OSMR: variants seen among roughly 807,000 people sequenced by gnomAD.
OSMR encodes oncostatin-M-specific receptor subunit beta.
Under a neutral mutation model 99.9 loss-of-function variants are expected in OSMR, and 81 were observed. That is an observed-to-expected ratio of 0.81 (90% CI 0.68 to 0.97). The LOEUF (loss-of-function observed/expected upper bound fraction) is 0.97, where lower values mean the gene tolerates loss of function less well. OSMR is among the 50% of genes least tolerant of loss of function. The pLI is 0.00. For synonymous variants in OSMR, 406 were observed against 410.4 expected, an observed-to-expected ratio of 0.99 and a Z score of 0.13; for missense variants, 1,099 against 1,153.4, an observed-to-expected ratio of 0.95 and a Z score of 0.68.
At chr5:38,880,057 T>TA (rs1240242281) in intron 3 of OSMR, among the ~76,000 whole-genome samples, 3 of 151,994 alleles carry the variant, frequency 2.0e-5, no homozygotes, top group South Asian at 2.1e-4. Context: ...TATAAACATT[T>TA]AAAAAAACAC....
At chr5:38,904,140 GTCA>G in intron 8 of OSMR, 116 bp downstream of exon 8, 1 of 1,543,400 alleles carries the variant, frequency 6.5e-7, no homozygotes, top group Non-Finnish European at 8.7e-7. Flanking sequence ...AATGGTGTGG[GTCA>G]TCTGTTTTAA....
intron 1 of OSMR, among the ~76,000 whole-genome samples, chr5:38,861,966 G>A (rs1339232713): frequency 2.5e-5 from 3 of 120,728 alleles, no homozygotes; most frequent in Admixed American, 8.0e-5. Flanking sequence ...CTGGCCGGGC[G>A]GGGGACTGAC....
At chr5:38,919,313 A>G (rs911446692) in intron 11 of OSMR, 10 of 1,447,584 alleles carry the variant, frequency 6.9e-6, no homozygotes, top group Non-Finnish European at 6.4e-6. Context: ...CATACATGGG[A>G]AATTATCTCA....
chr5:38,853,071 G>A (rs834006), intron 1 of OSMR, among the ~76,000 whole-genome samples: 120,084 of 152,154 alleles, frequency 0.79, 47,825 homozygotes, highest in African/African-American at 0.89. Context: ...TTCAATGTTT[G>A]TTAATCAGTA....
At chr5:38,922,006 A>C (rs995722193) in intron 12 of OSMR, among the ~76,000 whole-genome samples, 1 of 152,218 alleles carries the variant, frequency 6.6e-6, no homozygotes, top group Non-Finnish European at 1.5e-5. Context: ...TCTGCACATG[A>C]GGTGGGAACT....
intron 1 of OSMR, chr5:38,940,837 A>G (rs1296733216): frequency 4.3e-6 from 1 of 232,082 alleles, no homozygotes; most frequent in Non-Finnish European, 8.5e-6. Context: ...GATCTCAAAG[A>G]ACAAGCCCAT....
chr5:38,927,283 G>T (rs1746514096), intron 15 of OSMR, among the ~76,000 whole-genome samples: 1 of 152,158 alleles, frequency 6.6e-6, no homozygotes, highest in Non-Finnish European at 1.5e-5. Flanking sequence ...TAGGCAGTGG[G>T]GATTCTCTGT....
intron 1 of OSMR, among the ~76,000 whole-genome samples, chr5:38,852,246 C>T (rs1048072185): frequency 6.6e-6 from 1 of 152,156 alleles, no homozygotes; most frequent in Non-Finnish European, 1.5e-5. Flanking sequence ...AGTGCTATAA[C>T]AGTCTTTAAA....
intron 13 of OSMR, 34 bp from the exon 14 acceptor site, chr5:38,924,388 A>C (rs1264804736): frequency 5.0e-6 from 8 of 1,613,840 alleles, no homozygotes; most frequent in Non-Finnish European, 6.8e-6. Flanking sequence ...TTTCCAAATC[A>C]TGACTTTTCT....
In OSMR at chr5:38,904,514, C is replaced by T. The variant is rs774264914; in HGVS notation, c.1285+11C>T. ...CCACACTTGAAGCTGGTATGTTCAGCCCCTGGCATTTAACCCAAAGAAGTA... is the reference window on the plus strand; with the variant it reads ...CCACACTTGAAGCTGGTATGTTCAGTCCCTGGCATTTAACCCAAAGAAGTA... On this transcript the variant is annotated intron_variant, in intron 9 of 17. Transcript: ENST00000274276. The T allele has an allele frequency of 4.7e-5, 76 of 1,613,946 alleles. No homozygotes were observed. The highest frequency in any genetic ancestry group is 1.6e-4 in the Middle Eastern group (1 of 6,084).
rs763020996 is a variant in OSMR, at chr5:38,944,406, C to T, written c.*86+87C>T. ...AAGTATCTTTTCTCGACTTAAAAAA[C>T]AGAATAAACAAATAATACTCATGCA... On this transcript the variant is annotated intron_variant and NMD_transcript_variant, in intron 2 of 2. Coordinates refer to the OSMR transcript ENST00000508882. 6 of 1,572,794 alleles carry T rather than the reference C, an allele frequency of 3.8e-6. No homozygotes were observed. In the African/African-American group the frequency reaches 6.9e-5, roughly 18 times the overall value.
At chr5:38,942,222 C>A in intron 1 of OSMR, 1 of 777,080 alleles carries the variant, frequency 1.3e-6, no homozygotes, top group South Asian at 2.2e-5. Context: ...GCTGCCTAGT[C>A]AGTCGTATTT....
chr5:38,894,412 G>A (rs1744354470), intron 7 of OSMR, among the ~76,000 whole-genome samples: 1 of 151,360 alleles, frequency 6.6e-6, no homozygotes, highest in South Asian at 2.1e-4. Flanking sequence ...GAAAAAAAAA[G>A]AAAAAACAAG....
At chr5:38,915,289 G>T (rs1745829394) in intron 9 of OSMR, among the ~76,000 whole-genome samples, 1 of 152,170 alleles carries the variant, frequency 6.6e-6, no homozygotes. Flanking sequence ...TGACAGCACT[G>T]GGATATGTAT....
intron 7 of OSMR, among the ~76,000 whole-genome samples, chr5:38,894,655 AATAT>A (rs751128745): frequency 2.6e-5 from 4 of 152,160 alleles, no homozygotes; most frequent in Non-Finnish European, 5.9e-5. Flanking sequence ...ATTGATTCTA[AATAT>A]ATATGTACCC....
intron 7 of OSMR, among the ~76,000 whole-genome samples, chr5:38,893,880 T>C (rs1053974013): frequency 2.0e-5 from 3 of 152,082 alleles, no homozygotes; most frequent in Admixed American, 6.6e-5. Context: ...AGGCACCAGA[T>C]TGTTTAAGGC....
chr5:38,920,768 G>T (rs1746191614), intron 11 of OSMR, among the ~76,000 whole-genome samples: 1 of 152,184 alleles, frequency 6.6e-6, no homozygotes, highest in African/African-American at 2.4e-5. Context: ...GTGGAAAGAG[G>T]AGAAATTCTC....
intron 14 of OSMR, 121 bp downstream of exon 14, chr5:38,924,716 A>G: frequency 3.3e-6 from 3 of 907,682 alleles, no homozygotes; most frequent in Non-Finnish European, 5.4e-6. Flanking sequence ...GCATGGCTTT[A>G]TACTGGAAAG....
rs541421452 is a variant in OSMR, at chr5:38,847,447, A to G, written c.-14+1060A>G. 3.9e-5 allele frequency among the ~76,000 whole-genome samples: 6 copies of G among 152,180 alleles called. No individual in the cohort carries two copies. In the East Asian group the frequency reaches 1.2e-3, roughly 29 times the overall value. On this transcript the variant is annotated intron_variant, in intron 1 of 17. Coordinates refer to ENST00000274276, the MANE Select transcript of OSMR (RefSeq NM_003999.3). ...ACAGCTAGCAGGTGACAGTATCAGG[A>G]TTTGGGTTTGGAGTCTGCTCATGAT...
Sources: allele counts gnomAD v4.1 joint callset (sites outside exome capture counted in the v4.1 genomes callset), GRCh38; gene constraint gnomAD v4.1.1; transcripts MANE v1.5; gene names NCBI Gene and HGNC (gene_info 2026-07-23, HGNC 2026-07-21).